Variants in JAK2 observed in about 807,000 individuals in gnomAD.
The protein encoded by JAK2 is tyrosine-protein kinase JAK2.
A neutral mutation model predicts 139.3 loss-of-function variants in JAK2; 86 were observed. The observed-to-expected ratio is 0.62, with a 90% confidence interval of 0.52 to 0.74. The LOEUF (loss-of-function observed/expected upper bound fraction) is 0.74, where lower values mean the gene tolerates loss of function less well. JAK2 is among the 30% of genes least tolerant of loss of function. The pLI is 0.00. For synonymous variants in JAK2, 490 were observed against 437.7 expected, an observed-to-expected ratio of 1.12 and a Z score of -1.49; for missense variants, 1,421 against 1,360.3, an observed-to-expected ratio of 1.04 and a Z score of -0.70.
intron 4 of JAK2, among the ~76,000 whole-genome samples, chr9:5,038,048 A>G (rs1816197220): frequency 6.6e-6 from 1 of 152,210 alleles, no homozygotes; most frequent in African/African-American, 2.4e-5. Context: ...AGTTACAACT[A>G]TTCATTATTC....
chr9:5,029,943 A>G, intron 4 of JAK2, 37 bp downstream of exon 4: 1 of 1,535,206 alleles, frequency 6.5e-7, no homozygotes, highest in Non-Finnish European at 8.8e-7. Flanking sequence ...TTAATGCTAA[A>G]AGGCAAAATG....
chr9:5,100,622 T>C (rs1262891098), intron 22 of JAK2: 1 of 152,244 alleles, frequency 6.6e-6, no homozygotes, highest in South Asian at 2.1e-4. Flanking sequence ...CGCTTAGAAG[T>C]ACCTTTCTGA....
At chr9:5,027,754 A>G (rs954399736) in intron 3 of JAK2, among the ~76,000 whole-genome samples, 1 of 152,244 alleles carries the variant, frequency 6.6e-6, no homozygotes, top group African/African-American at 2.4e-5. Context: ...CATCTTCACC[A>G]GGAATAGATT....
intron 19 of JAK2, among the ~76,000 whole-genome samples, chr9:5,082,895 C>T (rs1044276880): frequency 6.6e-6 from 1 of 152,250 alleles, no homozygotes; most frequent in African/African-American, 2.4e-5. Context: ...AACAGCATCT[C>T]AGGGCAAAGC....
chr9:5,025,970 T>C (rs1295342331), intron 3 of JAK2, among the ~76,000 whole-genome samples: 1 of 152,252 alleles, frequency 6.6e-6, no homozygotes, highest in Non-Finnish European at 1.5e-5. Flanking sequence ...TCATAACTTA[T>C]AATTATGCTT....
intron 19 of JAK2, chr9:5,085,714 G>T (rs1284775651): frequency 5.3e-6 from 4 of 749,986 alleles, no homozygotes; most frequent in African/African-American, 5.1e-5. Context: ...CTAGCAGTGT[G>T]GATCATTTCT....
intron 14 of JAK2, among the ~76,000 whole-genome samples, chr9:5,076,126 A>G (rs1244329639): frequency 6.6e-6 from 1 of 152,166 alleles, no homozygotes; most frequent in Non-Finnish European, 1.5e-5. Context: ...TCTTATGGAT[A>G]AGCAGAGAAA....
chr9:5,025,723 G>C (rs1196499236), intron 3 of JAK2, among the ~76,000 whole-genome samples: 1 of 151,970 alleles, frequency 6.6e-6, no homozygotes, highest in Non-Finnish European at 1.5e-5. Context: ...GGTAGAGACG[G>C]GGTTTGCCAT....
At position 5,041,913 on chromosome 9, in the gene JAK2, C is replaced by A. The variant is rs150672988; in HGVS notation, c.351-2490C>A. The A allele has an allele frequency of 5.4e-4, 212 of 395,920 alleles. 2 individuals carry two copies. The highest frequency in any genetic ancestry group is 3.9e-3 in the African/African-American group (185 of 47,432). The allele number at this position is 395,920 out of a possible 1,614,324, so 24.5% of individuals were successfully genotyped here. A position where few individuals can be genotyped will look rare whatever the true frequency, so the allele number is the denominator to read the frequency against. On this transcript the variant is annotated intron_variant, in intron 4 of 24. Transcript: ENST00000381652. ...GGGCGCCTGCAGAGATGGAGGTGGGCGATGAAACGAAATGCTGCTGTTTCT... is the reference window on the plus strand; with the variant it reads ...GGGCGCCTGCAGAGATGGAGGTGGGAGATGAAACGAAATGCTGCTGTTTCT...
chr9:5,074,865 G>A (rs796485807), intron 14 of JAK2, among the ~76,000 whole-genome samples: 2 of 151,862 alleles, frequency 1.3e-5, no homozygotes, highest in Non-Finnish European at 2.9e-5. Context: ...TGAAAGCCAA[G>A]ACAAGCTGAA....
At chr9:5,058,761 G>A (rs536937976) in intron 8 of JAK2, among the ~76,000 whole-genome samples, 42 of 152,190 alleles carry the variant, frequency 2.8e-4, no homozygotes, top group African/African-American at 9.9e-4. Context: ...ATCTCATTGT[G>A]ATTTTGATTC....
intron 3 of JAK2, among the ~76,000 whole-genome samples, chr9:5,026,674 C>G (rs1281708679): frequency 6.6e-6 from 1 of 152,038 alleles, no homozygotes; most frequent in African/African-American, 2.4e-5. Context: ...CTTCTAAAGA[C>G]TTGTTTTGAG....
chr9:5,003,076 G>C (rs1030270372), intron 2 of JAK2, among the ~76,000 whole-genome samples: 1 of 151,888 alleles, frequency 6.6e-6, no homozygotes, highest in Non-Finnish European at 1.5e-5. Flanking sequence ...ACTCTATTCT[G>C]TTCCATTTGT....
chr9:5,033,642 G>A (rs894773301), intron 4 of JAK2, among the ~76,000 whole-genome samples: 3 of 152,172 alleles, frequency 2.0e-5, no homozygotes, highest in African/African-American at 4.8e-5. Flanking sequence ...GCCAAACTAA[G>A]CTTCATATGT....
chr9:5,021,306 C>T lies in JAK2; in HGVS notation c.-25-657C>T, dbSNP rs540162154. Among the ~76,000 whole-genome samples, 8 of 152,228 alleles carry T rather than the reference C, an allele frequency of 5.3e-5. No homozygotes were observed. The East Asian group carries it at 1.5e-3, about 29-fold the overall frequency. On this transcript the variant is annotated intron_variant, in intron 2 of 24. Transcript: ENST00000381652. ...TTCTTCTTTGTGGAGCAGGTGAGTA[C>T]CAGATAACTCTAGTCAACCTTCTGG... is the stretch of plus-strand genomic sequence containing the variant.
intron 4 of JAK2, 74 bp from the exon 5 acceptor site, chr9:5,044,329 G>T: frequency 1.1e-6 from 1 of 870,322 alleles, no homozygotes; most frequent in Non-Finnish European, 1.9e-6. Flanking sequence ...GTATGCTGTA[G>T]GTGACTATAT....
chr9:5,084,180 T>G (rs1478692368), intron 19 of JAK2, among the ~76,000 whole-genome samples: 1 of 152,176 alleles, frequency 6.6e-6, no homozygotes, highest in African/African-American at 2.4e-5. Context: ...ATATATTTCT[T>G]AGTAATTTAG....
chr9:5,085,051 G>C, intron 19 of JAK2: 1 of 756,240 alleles, frequency 1.3e-6, no homozygotes, highest in South Asian at 1.3e-5. Context: ...TCTCTTTCTG[G>C]GGATGAGAAG....
At chr9:5,053,257 G>A (rs1000285751) in intron 6 of JAK2, among the ~76,000 whole-genome samples, 1 of 151,800 alleles carries the variant, frequency 6.6e-6, no homozygotes, top group African/African-American at 2.4e-5. Flanking sequence ...GTACTTTTTG[G>A]CCATTTGTAT....
Sources: gnomAD v4.1 joint callset for allele counts (sites outside exome capture counted in the v4.1 genomes callset) on GRCh38, gnomAD v4.1.1 for gene constraint, MANE v1.5 for transcripts, NCBI Gene and HGNC (gene_info 2026-07-23, HGNC 2026-07-21) for gene names.